The following ACOT1 variants were observed in gnomAD, a reference collection of about 807,000 sequenced individuals.
The protein encoded by ACOT1 is acyl-CoA thioesterase 1.
A neutral mutation model predicts 15.7 loss-of-function variants in ACOT1; 8 were observed. The observed-to-expected ratio is 0.51, with a 90% CI of 0.30 to 0.92. ACOT1 has a LOEUF of 0.92. Ranked by LOEUF, ACOT1 falls within the 40% of genes least tolerant of loss-of-function variation. The pLI is 0.06. For missense variants in ACOT1, 151 were observed against 539.4 expected, an observed-to-expected ratio of 0.28 and a Z score of 7.13; for synonymous variants, 67 against 241.2, an observed-to-expected ratio of 0.28 and a Z score of 6.69.
the ACOT1 span, chr14:73,522,975 T>A: frequency 6.2e-7 from 1 of 1,614,236 alleles, no homozygotes; most frequent in Non-Finnish European, 8.5e-7. Flanking sequence ...TATTGGCTCT[T>A]GCGGTGTAGA....
the ACOT1 span, chr14:73,499,029 G>A: frequency 6.5e-7 from 1 of 1,533,212 alleles, no homozygotes. Flanking sequence ...ATAGGCAAAG[G>A]TATTTAAGGT....
the ACOT1 span, chr14:73,492,273 C>T: frequency 6.2e-7 from 1 of 1,614,042 alleles, no homozygotes; most frequent in Non-Finnish European, 8.5e-7. This position sits in a 1 kb window ranked among gnomAD's most constrained non-coding sequence, Gnocchi z 4.9. Flanking sequence ...CTGCACCTCA[C>T]CTTGTCCACG....
At chr14:73,496,450 A>C in the ACOT1 span, 1 of 590,556 alleles carries the variant, frequency 1.7e-6, no homozygotes, top group Non-Finnish European at 3.0e-6. Flanking sequence ...GATGCTTTGC[A>C]TCTTCAAATG....
the ACOT1 span, among the ~76,000 whole-genome samples, chr14:73,515,000 G>A: frequency 1.7e-4 from 26 of 151,664 alleles, no homozygotes; most frequent in Non-Finnish European, 2.8e-4. Context: ...CCTGAGAGGC[G>A]GAGGTTGCAG....
chr14:73,492,208 G>C, the ACOT1 span: 1 of 1,614,018 alleles, frequency 6.2e-7, no homozygotes, highest in South Asian at 1.1e-5. The surrounding 1 kb of genome is among the most constrained non-coding windows in gnomAD (Gnocchi z 4.9). Context: ...GAGATTTGCT[G>C]TATTTTCCTC....
At chr14:73,492,038 TACG>T in the ACOT1 span, 1 of 1,613,990 alleles carries the variant, frequency 6.2e-7, no homozygotes, top group Non-Finnish European at 8.5e-7. The surrounding 1 kb of genome is among the most constrained non-coding windows in gnomAD (Gnocchi z 4.9). Flanking sequence ...TGCCCCCCAC[TACG>T]ACGACATCGA....
the ACOT1 span, chr14:73,495,237 T>C: frequency 3.7e-6 from 6 of 1,613,104 alleles, no homozygotes; most frequent in Admixed American, 1.7e-5. Context: ...CCCTGAAAAG[T>C]TTCTTGGAGT....
At chr14:73,511,540 TAAA>T in the ACOT1 span, among the ~76,000 whole-genome samples, 1 of 126,826 alleles carries the variant, frequency 7.9e-6, no homozygotes, top group East Asian at 2.3e-4. Context: ...AATAAATAAA[TAAA>T]TAAATAAATA....
chr14:73,502,505 C>T, the ACOT1 span, among the ~76,000 whole-genome samples: 1 of 151,926 alleles, frequency 6.6e-6, no homozygotes, highest in Non-Finnish European at 1.5e-5. Flanking sequence ...AGGGTCCGTA[C>T]AGAGGAGCTC....
chr14:73,524,310 A>AAAAATATATAT, the ACOT1 span, among the ~76,000 whole-genome samples: 216 of 54,732 alleles, frequency 3.9e-3, no homozygotes, highest in Non-Finnish European at 5.7e-3. Flanking sequence ...AAAAAAAAAA[A>AAAAATATATAT]ATATATATAT....
chr14:73,540,782 C>T (rs929158379), intron 1 of ACOT1, among the ~76,000 whole-genome samples: 2 of 101,112 alleles, frequency 2.0e-5, no homozygotes, highest in Non-Finnish European at 4.0e-5. Flanking sequence ...CTCGCTCTTT[C>T]GCCCAGGCTG....
At chr14:73,529,690 C>G in the ACOT1 span, among the ~76,000 whole-genome samples, 5,101 of 152,316 alleles carry the variant, frequency 0.033, 607 homozygotes, top group East Asian at 0.45. Flanking sequence ...ACCCTCTGGT[C>G]TGATACCTTT....
At chr14:73,493,095 C>G in the ACOT1 span, 3 of 1,612,260 alleles carry the variant, frequency 1.9e-6, no homozygotes, top group Non-Finnish European at 2.5e-6. Flanking sequence ...TCACAAACCT[C>G]GGAAGGTCTT....
At chr14:73,509,200 C>T in the ACOT1 span, 3 of 1,062,544 alleles carry the variant, frequency 2.8e-6, no homozygotes, top group South Asian at 1.4e-5. Context: ...AAATCTAAAC[C>T]CAATACAGCA....
At chr14:73,506,801 A>ATTTTTTTTTTTTTTTTTTTTT in the ACOT1 span, among the ~76,000 whole-genome samples, 1 of 65,446 alleles carries the variant, frequency 1.5e-5, no homozygotes, top group Non-Finnish European at 2.6e-5. Context: ...CCTGACTTTA[A>ATTTTTTTTTTTTTTTTTTTTT]CTGTTTTTTT....
At chr14:73,522,510 C>T in the ACOT1 span, 1 of 1,614,226 alleles carries the variant, frequency 6.2e-7, no homozygotes, top group Admixed American at 1.7e-5. Context: ...ATCCATCGGG[C>T]TGTGCGCTCG....
chr14:73,541,834 A>G lies in ACOT1; in HGVS notation c.660+139A>G, dbSNP rs1278526914. ...ACTACCTTTTTTAGTCACTTCTTAT[A>G]GACAGTTTCTTTCTTTCTTCTTCTT... On this transcript the variant is annotated intron_variant, in intron 2 of 2. Transcript: ENST00000311148. The G allele has an allele frequency of 6.6e-6, 4 of 602,094 alleles. 2 individuals carry two copies. The South Asian group carries it at 8.0e-5, about 12-fold the overall frequency. 37.3% of individuals were successfully genotyped at this position (602,094 alleles called of 1,614,324 possible).
the ACOT1 span, among the ~76,000 whole-genome samples, chr14:73,513,518 G>A: frequency 6.6e-6 from 1 of 151,678 alleles, no homozygotes; most frequent in Non-Finnish European, 1.5e-5. Context: ...CTGAGGTCAG[G>A]AGTTTGAGAC....
the ACOT1 span, chr14:73,496,590 C>T: frequency 1.3e-6 from 2 of 1,562,832 alleles, no homozygotes; most frequent in East Asian, 2.2e-5. Flanking sequence ...ACAGAGCTTG[C>T]ACTTATTTAC....
Sources: gnomAD v4.1 joint callset for allele counts (sites outside exome capture counted in the v4.1 genomes callset) on GRCh38, gnomAD v4.1.1 for gene constraint, Gnocchi (gnomAD v3.1) non-coding constraint, MANE v1.5 for transcripts, NCBI Gene and HGNC (gene_info 2026-07-23, HGNC 2026-07-21) for gene names.